The following KPNA5 variants were observed in gnomAD, a reference collection of about 807,000 sequenced individuals.
KPNA5 encodes the protein importin subunit alpha-6.
Under a neutral mutation model 71.3 loss-of-function variants are expected in KPNA5, and 46 were observed. That is an observed-to-expected ratio of 0.65 (90% CI 0.51 to 0.83). KPNA5 has a LOEUF of 0.83. Among genes scored for constraint, KPNA5 ranks in the 40% least tolerant of loss-of-function variants. The probability of loss-of-function intolerance (pLI) is 0.00; values close to 1 mark genes in which losing one functional copy is unlikely to be tolerated. For synonymous variants in KPNA5, 207 were observed against 201.4 expected (o/e 1.03, Z -0.24); for missense variants, 547 against 628.3 (o/e 0.87, Z 1.38).
chr6:116,705,940 C>T (rs1005350914), intron 7 of KPNA5, among the ~76,000 whole-genome samples: 4 of 152,192 alleles, frequency 2.6e-5, no homozygotes, highest in African/African-American at 9.6e-5. Context: ...TATTTCTTGG[C>T]ATGGTTTCAC....
intron 9 of KPNA5, among the ~76,000 whole-genome samples, chr6:116,722,657 T>C (rs1269770152): frequency 6.6e-6 from 1 of 152,212 alleles, no homozygotes; most frequent in African/African-American, 2.4e-5. Flanking sequence ...AGTTTATTAT[T>C]CATTATAATA....
chr6:116,729,984 T>A (rs1779425387), intron 13 of KPNA5, among the ~76,000 whole-genome samples: 1 of 151,330 alleles, frequency 6.6e-6, no homozygotes, highest in African/African-American at 2.4e-5. Flanking sequence ...TTTTATGTTC[T>A]ACTTTTTAAC....
chr6:116,697,531 A>G (rs1248295721), intron 4 of KPNA5, among the ~76,000 whole-genome samples: 3 of 152,066 alleles, frequency 2.0e-5, no homozygotes, highest in South Asian at 2.1e-4. Context: ...ACATTTTTCT[A>G]TATCAAAAAG....
chr6:116,689,803 T>C (rs577412649), intron 2 of KPNA5, among the ~76,000 whole-genome samples: 1 of 152,362 alleles, frequency 6.6e-6, no homozygotes, highest in East Asian at 1.9e-4. Flanking sequence ...TTTGTAGTTT[T>C]CATAATTCTT....
At chr6:116,725,722 T>C in intron 10 of KPNA5, 29 bp from the exon 11 acceptor site, 1 of 1,577,662 alleles carries the variant, frequency 6.3e-7, no homozygotes, top group South Asian at 1.2e-5. Flanking sequence ...ACTATAAAAC[T>C]TTTTGTTTCC....
At position 116,736,463 on chromosome 6, in the gene KPNA5, G is replaced by A. The variant is rs1004167252; in HGVS notation, c.*4140G>A. 3 of 151,896 alleles carry A rather than the reference G, an allele frequency of 2.0e-5. No homozygotes were observed. The highest frequency in any genetic ancestry group is 4.8e-5 in the African/African-American group (2 of 41,400). 9.4% of individuals were successfully genotyped at this position (151,896 alleles called of 1,614,324 possible). A position where few individuals can be genotyped will look rare whatever the true frequency, so the allele number is the denominator to read the frequency against. ...TGTGCTGCCATCACCATAAGCAAAA[G>A]TTCACTTTTTTACTGGCACTAGCCA... On this transcript the variant is annotated 3_prime_UTR_variant, in exon 14 of 14. Coordinates refer to ENST00000368564, the MANE Select transcript of KPNA5 (RefSeq NM_001366306.2).
At position 116,722,308 on chromosome 6, in the gene KPNA5, T is replaced by A. The variant is rs1161020949; in HGVS notation, c.920+19T>A. Reference sequence around the variant, plus strand: ...TTTTGATGTAACTATAAATAATTTATGCTTAATAATTGTATGATTGAGATT... The same window carrying A: ...TTTTGATGTAACTATAAATAATTTAAGCTTAATAATTGTATGATTGAGATT... On this transcript the variant is annotated intron_variant, in intron 9 of 13. Coordinates refer to ENST00000368564, the MANE Select transcript of KPNA5 (RefSeq NM_001366306.2). 1 of 1,572,406 alleles carries A rather than the reference T, an allele frequency of 6.4e-7. No individual in the cohort carries two copies. The highest frequency in any genetic ancestry group is 1.2e-5 in the South Asian group (1 of 86,358).
intron 12 of KPNA5, among the ~76,000 whole-genome samples, chr6:116,727,751 A>C (rs979657854): frequency 6.6e-6 from 1 of 152,106 alleles, no homozygotes; most frequent in African/African-American, 2.4e-5. Flanking sequence ...TGTAATCATC[A>C]TAATTTTTAT....
rs552831945 is a variant in KPNA5, at chr6:116,713,424, A to G, written c.657-2795A>G. On this transcript the variant is annotated intron_variant, in intron 7 of 13. Coordinates refer to ENST00000368564, the MANE Select transcript of KPNA5 (RefSeq NM_001366306.2). ...CATGATTTTTGATGAGAAATCGGCT[A>G]TTGATCTTTATGAGGAATCTTTTTA... is the stretch of plus-strand genomic sequence containing the variant. 2.0e-5 allele frequency among the ~76,000 whole-genome samples: 3 copies of G among 152,234 alleles called. No homozygotes were observed. In the South Asian group the frequency reaches 6.2e-4, roughly 32 times the overall value.
chr6:116,687,212 G>C (rs780042644), intron 1 of KPNA5, among the ~76,000 whole-genome samples: 3 of 152,152 alleles, frequency 2.0e-5, no homozygotes, highest in Non-Finnish European at 4.4e-5. Context: ...TCTTTTAGCA[G>C]CGTTTTGTAA....
intron 4 of KPNA5, 21 bp from the exon 5 acceptor site, chr6:116,698,683 G>T (rs7357061): frequency 0.22 from 301,886 of 1,364,444 alleles, 36,944 homozygotes; most frequent in African/African-American, 0.43. Context: ...TGTAATAACT[G>T]AAGTCTTTTT....
chr6:116,732,074 T>TTTTATA (rs1463339776), intron 13 of KPNA5, 62 bp from the exon 14 acceptor site: 939 of 67,624 alleles, frequency 0.014, 107 homozygotes, highest in Middle Eastern at 0.026. Context: ...AACAGTTTGT[T>TTTTATA]TATATATATA....
At chr6:116,712,510 A>T (rs1344828324) in intron 7 of KPNA5, among the ~76,000 whole-genome samples, 1 of 152,158 alleles carries the variant, frequency 6.6e-6, no homozygotes, top group Non-Finnish European at 1.5e-5. Context: ...TCGTAGACTT[A>T]TGGGTTTTGT....
chr6:116,694,814 A>G (rs969374570), intron 4 of KPNA5, among the ~76,000 whole-genome samples: 3 of 152,204 alleles, frequency 2.0e-5, no homozygotes, highest in African/African-American at 7.2e-5. Context: ...AATAATTGTT[A>G]AGCAATATAA....
chr6:116,692,004 T>G (rs577847769), intron 2 of KPNA5, 51 bp from the exon 3 acceptor site: 1 of 1,162,534 alleles, frequency 8.6e-7, no homozygotes, highest in Admixed American at 1.9e-5. Flanking sequence ...CTATGGCAAC[T>G]TAATGTTTTA....
chr6:116,731,326 G>A (rs965779658), intron 13 of KPNA5, among the ~76,000 whole-genome samples: 4 of 152,020 alleles, frequency 2.6e-5, no homozygotes, highest in African/African-American at 9.7e-5. Context: ...ATGAATACAA[G>A]ATATTAGTCA....
At chr6:116,718,533 C>T (rs1583437011) in intron 8 of KPNA5, among the ~76,000 whole-genome samples, 3 of 151,774 alleles carry the variant, frequency 2.0e-5, no homozygotes, top group Admixed American at 2.0e-4. Flanking sequence ...AAAGTGCTGG[C>T]ATTACAGGTG....
intron 4 of KPNA5, among the ~76,000 whole-genome samples, chr6:116,697,010 C>T (rs1406595289): frequency 6.6e-6 from 1 of 151,834 alleles, no homozygotes; most frequent in East Asian, 1.9e-4. Context: ...TCAATGACCA[C>T]CTCGCCCTAC....
At chr6:116,695,786 T>C (rs1187158723) in intron 4 of KPNA5, among the ~76,000 whole-genome samples, 3 of 152,214 alleles carry the variant, frequency 2.0e-5, no homozygotes, top group African/African-American at 7.2e-5. Context: ...CTGAGTCAGA[T>C]TAATATTTTT....
Sources: allele counts gnomAD v4.1 joint callset (sites outside exome capture counted in the v4.1 genomes callset), GRCh38; gene constraint gnomAD v4.1.1; transcripts MANE v1.5; gene names NCBI Gene and HGNC (gene_info 2026-07-23, HGNC 2026-07-21).